The following NPY2R variants were observed in gnomAD, a reference collection of about 807,000 sequenced individuals.
NPY2R encodes the protein neuropeptide Y receptor type 2.
A neutral mutation model predicts 22.3 loss-of-function variants in NPY2R; 17 were observed. The ratio of observed to expected loss-of-function variants is 0.76; its 90% CI spans 0.52 to 1.14. The LOEUF (loss-of-function observed/expected upper bound fraction) is 1.14. Among genes scored for constraint, NPY2R ranks in the 50% most tolerant of loss-of-function variants. NPY2R has a pLI of 0.00. For missense variants in NPY2R, 424 were observed against 467.9 expected (o/e 0.91, Z 0.87); for synonymous variants, 209 against 183.4 (o/e 1.14, Z -1.13).
At chr4:155,182,901 T>G in the NPY2R span, among the ~76,000 whole-genome samples, 2 of 152,132 alleles carry the variant, frequency 1.3e-5, no homozygotes, top group Non-Finnish European at 2.9e-5. Context: ...CAAGCAATTC[T>G]TGTGCCTCAG....
At chr4:155,211,978 C>T (rs1055039720) in intron 1 of NPY2R, among the ~76,000 whole-genome samples, 2 of 152,310 alleles carry the variant, frequency 1.3e-5, no homozygotes, top group Non-Finnish European at 2.9e-5. Flanking sequence ...ACCGACCAAA[C>T]CCAGCCAGAA....
intron 1 of NPY2R, 142 bp from the exon 2 acceptor site, chr4:155,213,750 T>A: frequency 1.6e-6 from 1 of 615,782 alleles, no homozygotes; most frequent in Non-Finnish European, 2.9e-6. Context: ...TATGCACAAT[T>A]TTAGAGAGTA....
At chr4:155,192,552 C>G in the NPY2R span, among the ~76,000 whole-genome samples, 32 of 152,018 alleles carry the variant, frequency 2.1e-4, no homozygotes, top group South Asian at 6.6e-3. Flanking sequence ...ATGCAATTTT[C>G]TATAGACATT....
At chr4:155,207,634 C>G (rs573850152), upstream of NPY2R, 2 of 152,384 alleles carry the variant, frequency 1.3e-5, no homozygotes, top group African/African-American at 4.8e-5. Context: ...CGCTGCTGCT[C>G]TGCTGATTGT....
the NPY2R span, among the ~76,000 whole-genome samples, chr4:155,177,505 G>A: frequency 6.6e-6 from 1 of 151,116 alleles, no homozygotes; most frequent in African/African-American, 2.4e-5. Flanking sequence ...CAACTTAAAT[G>A]TTTCAGCTGT....
chr4:155,197,211 A>C, the NPY2R span, among the ~76,000 whole-genome samples: 1 of 151,978 alleles, frequency 6.6e-6, no homozygotes. Flanking sequence ...AGTTAAAATA[A>C]ATACTTTTTT....
At chr4:155,210,771 T>A (rs1729387473) in intron 1 of NPY2R, among the ~76,000 whole-genome samples, 1 of 152,114 alleles carries the variant, frequency 6.6e-6, no homozygotes, top group Admixed American at 6.6e-5. Context: ...CATGTCTCTC[T>A]GTATAGTAAG....
At chr4:155,205,261 G>C (rs1195622893), upstream of NPY2R, among the ~76,000 whole-genome samples, 1 of 152,174 alleles carries the variant, frequency 6.6e-6, no homozygotes, top group African/African-American at 2.4e-5. Context: ...AGAAAGTTCT[G>C]TGGGACTGCA....
At chr4:155,211,653 C>G (rs1263637314) in intron 1 of NPY2R, among the ~76,000 whole-genome samples, 1 of 152,044 alleles carries the variant, frequency 6.6e-6, no homozygotes, top group African/African-American at 2.4e-5. Flanking sequence ...AGAATCTATT[C>G]AAGAATGTAA....
the NPY2R span, among the ~76,000 whole-genome samples, chr4:155,195,125 T>G: frequency 6.6e-6 from 1 of 151,998 alleles, no homozygotes; most frequent in Admixed American, 6.6e-5. Flanking sequence ...CAGTGTAAAC[T>G]AAATGTATTT....
chr4:155,207,285 A>G (rs1297800171), upstream of NPY2R: 2 of 148,584 alleles, frequency 1.3e-5, no homozygotes, highest in Non-Finnish European at 3.0e-5. Flanking sequence ...AATATGTATT[A>G]CCTTTTTAAA....
the NPY2R span, among the ~76,000 whole-genome samples, chr4:155,196,318 AT>A: frequency 2.6e-5 from 4 of 152,112 alleles, no homozygotes; most frequent in African/African-American, 9.6e-5. Flanking sequence ...GAAGGAGAGG[AT>A]AAAGCACCGA....
the NPY2R span, among the ~76,000 whole-genome samples, chr4:155,183,256 G>T: frequency 6.6e-6 from 1 of 152,136 alleles, no homozygotes; most frequent in Non-Finnish European, 1.5e-5. Flanking sequence ...CACTCTCTCT[G>T]TGCGGTGCCT....
At chr4:155,175,881 TCA>T in the NPY2R span, among the ~76,000 whole-genome samples, 1 of 151,256 alleles carries the variant, frequency 6.6e-6, no homozygotes, top group Non-Finnish European at 1.5e-5. Flanking sequence ...ATTTAATGGG[TCA>T]CACACACCTG....
chr4:155,176,479 A>G, the NPY2R span, among the ~76,000 whole-genome samples: 1,405 of 152,230 alleles, frequency 9.2e-3, 20 homozygotes, highest in African/African-American at 0.032. Context: ...TCAGGATAGT[A>G]TGGGTTTGTG....
chr4:155,196,496 C>T, the NPY2R span, among the ~76,000 whole-genome samples: 8 of 151,856 alleles, frequency 5.3e-5, no homozygotes, highest in Non-Finnish European at 5.9e-5. Context: ...GAAGCCAAGG[C>T]AGTATGGAAT....
chr4:155,182,133 A>G, the NPY2R span, among the ~76,000 whole-genome samples: 1 of 152,172 alleles, frequency 6.6e-6, no homozygotes, highest in Non-Finnish European at 1.5e-5. Context: ...GTTATCAACC[A>G]TCTAAGTTAT....
At chr4:155,187,662 G>C in the NPY2R span, among the ~76,000 whole-genome samples, 4 of 152,050 alleles carry the variant, frequency 2.6e-5, no homozygotes, top group African/African-American at 9.7e-5. Flanking sequence ...TTTTCAAAAT[G>C]TAAAAATAAA....
chr4:155,196,821 G>A, the NPY2R span, among the ~76,000 whole-genome samples: 3,889 of 151,888 alleles, frequency 0.026, 159 homozygotes, highest in African/African-American at 0.089. Context: ...AAGCACCTCC[G>A]GTGATTCTAA....
Sources: gnomAD v4.1 joint callset for allele counts (sites outside exome capture counted in the v4.1 genomes callset) on GRCh38, gnomAD v4.1.1 for gene constraint, MANE v1.5 for transcripts, NCBI Gene and HGNC (gene_info 2026-07-23, HGNC 2026-07-21) for gene names.